MRTFB: variants seen among roughly 807,000 people sequenced by gnomAD.
MRTFB encodes the protein myocardin related transcription factor B, also known as myocardin-related transcription factor B.
MRTFB carries 29 observed loss-of-function variants against 104.2 expected under a neutral mutation model. The observed-to-expected ratio is 0.28, with a 90% confidence interval of 0.21 to 0.38. The LOEUF is 0.38. Among genes scored for constraint, MRTFB ranks in the 10% least tolerant of loss-of-function variants. The pLI is 1.00. For missense variants in MRTFB, 1,270 were observed against 1,341.6 expected (o/e 0.95, Z 0.83); for synonymous variants, 535 against 519.5 (o/e 1.03, Z -0.41).
At chr16:14,098,632 C>T (rs556216660) in intron 2 of MRTFB, among the ~76,000 whole-genome samples, 1 of 152,272 alleles carries the variant, frequency 6.6e-6, no homozygotes, top group Admixed American at 6.5e-5. Context: ...CTCCACCTAA[C>T]CTGAGGTCAG....
At chr16:14,198,315 C>T (rs575793864) in intron 3 of MRTFB, among the ~76,000 whole-genome samples, 2 of 152,264 alleles carry the variant, frequency 1.3e-5, no homozygotes, top group Admixed American at 1.3e-4. Context: ...TGTTTGAGTA[C>T]TTGTTTCCAA....
At chr16:14,147,453 AT>A (rs2038374579) in intron 3 of MRTFB, among the ~76,000 whole-genome samples, 1 of 152,166 alleles carries the variant, frequency 6.6e-6, no homozygotes, top group Non-Finnish European at 1.5e-5. Context: ...GTATGTTTTG[AT>A]TCACAGTGTA....
intron 3 of MRTFB, among the ~76,000 whole-genome samples, chr16:14,198,167 T>C (rs1440101050): frequency 6.6e-6 from 1 of 152,250 alleles, no homozygotes; most frequent in African/African-American, 2.4e-5. Flanking sequence ...ATTTAATTTA[T>C]TTTTATGACT....
In MRTFB at chr16:14,083,170, A is replaced by G. The variant is rs547201854; in HGVS notation, c.-64+3816A>G. Among the ~76,000 whole-genome samples the G allele has an allele frequency of 8.5e-5, 13 of 152,174 alleles. No individual in the cohort carries two copies. In the South Asian group the frequency reaches 2.3e-3, roughly 27 times the overall value. On this transcript the variant is annotated intron_variant, in intron 2 of 16. Transcript: ENST00000571589. ...TTTTCAGATAGTTCGTTGTTAGTATATAGAAGTATTACTGATTTTTCTATT... is the reference window on the plus strand; with the variant it reads ...TTTTCAGATAGTTCGTTGTTAGTATGTAGAAGTATTACTGATTTTTCTATT...
At chr16:14,126,184 CA>C (rs1245544357) in intron 2 of MRTFB, among the ~76,000 whole-genome samples, 2 of 151,946 alleles carry the variant, frequency 1.3e-5, no homozygotes, top group African/African-American at 4.8e-5. Flanking sequence ...CTCTAAAAGC[CA>C]GAGGGTTTTT....
chr16:14,070,318 G>A (rs1028447488), upstream of MRTFB, among the ~76,000 whole-genome samples: 4 of 152,196 alleles, frequency 2.6e-5, no homozygotes, highest in Admixed American at 2.6e-4. Flanking sequence ...AGATTGGTAT[G>A]ACCTTGATAT....
At chr16:14,210,359 C>A (rs765074902) in intron 4 of MRTFB, 51 bp downstream of exon 4, 3 of 1,431,978 alleles carry the variant, frequency 2.1e-6, no homozygotes, top group South Asian at 1.2e-5. Context: ...ACATGACGGG[C>A]GTGTCCAAGA....
the MRTFB span, among the ~76,000 whole-genome samples, chr16:14,064,371 C>A: frequency 6.6e-6 from 1 of 151,984 alleles, no homozygotes; most frequent in Admixed American, 6.6e-5. Context: ...GGAATTAGAT[C>A]TTTGTAAGAT....
At chr16:14,157,354 G>A (rs1381871428) in intron 3 of MRTFB, among the ~76,000 whole-genome samples, 3 of 152,162 alleles carry the variant, frequency 2.0e-5, no homozygotes, top group Non-Finnish European at 2.9e-5. Context: ...ATATCACTGA[G>A]GTTATCTGAT....
In MRTFB at chr16:14,107,253, C is replaced by T. The variant is rs144132756; in HGVS notation, c.-64+27899C>T. ...TCTGTCTCAAACAAAAAAACAAAAA[C>T]GGAGGAAAAAGTCTTTTCTGTGTGG... On this transcript the variant is annotated intron_variant, in intron 2 of 16. Transcript: ENST00000571589. 3.9e-5 allele frequency among the ~76,000 whole-genome samples: 6 copies of T among 152,154 alleles called. No individual in the cohort carries two copies. In the East Asian group the frequency reaches 5.8e-4, roughly 15 times the overall value.
At chr16:14,037,689 T>C in the MRTFB span, among the ~76,000 whole-genome samples, 4 of 152,136 alleles carry the variant, frequency 2.6e-5, no homozygotes, top group East Asian at 7.7e-4. Context: ...AAAGAAAAGG[T>C]CTAACTGGGG....
chr16:14,235,805 C>T lies in MRTFB; in HGVS notation c.831+1522C>T, dbSNP rs1469287438. On this transcript the variant is annotated intron_variant, in intron 9 of 16. Transcript: ENST00000571589. ...CTGGGACAATTATTTTATCACTCTACAACGATTATACTCGAACCGCATTTT... is the reference window on the plus strand; with the variant it reads ...CTGGGACAATTATTTTATCACTCTATAACGATTATACTCGAACCGCATTTT... 4.6e-5 allele frequency among the ~76,000 whole-genome samples: 7 copies of T among 152,196 alleles called. No individual in the cohort carries two copies. The East Asian group carries it at 1.2e-3, about 25-fold the overall frequency.
At chr16:14,054,471 C>T in the MRTFB span, among the ~76,000 whole-genome samples, 1 of 152,156 alleles carries the variant, frequency 6.6e-6, no homozygotes, top group African/African-American at 2.4e-5. Context: ...CCGTCCTCAG[C>T]CTTCCAAAGT....
intron 8 of MRTFB, among the ~76,000 whole-genome samples, chr16:14,230,682 G>A (rs1000038937): frequency 6.6e-6 from 1 of 152,292 alleles, no homozygotes; most frequent in East Asian, 1.9e-4. Context: ...TACACTGTTG[G>A]TGGGACTGTA....
At chr16:14,178,269 G>A (rs748833156) in intron 3 of MRTFB, among the ~76,000 whole-genome samples, 11 of 152,094 alleles carry the variant, frequency 7.2e-5, no homozygotes, top group African/African-American at 2.7e-4. Flanking sequence ...CTCAATATTG[G>A]TAGCGAATCT....
intron 1 of MRTFB, among the ~76,000 whole-genome samples, chr16:14,078,594 A>G (rs114103455): frequency 0.017 from 2,342 of 140,724 alleles, 64 homozygotes; most frequent in African/African-American, 0.057. Context: ...CTCCTGGCAA[A>G]TTTTTTTTTT....
At chr16:14,052,760 G>C in the MRTFB span, among the ~76,000 whole-genome samples, 4 of 147,750 alleles carry the variant, frequency 2.7e-5, no homozygotes, top group East Asian at 7.9e-4. Flanking sequence ...AAAAAAGAAA[G>C]AAAGAAATAT....
the MRTFB span, among the ~76,000 whole-genome samples, chr16:14,017,063 T>A: frequency 6.7e-6 from 1 of 149,460 alleles, no homozygotes; most frequent in Non-Finnish European, 1.5e-5. Context: ...CTTCTTTTTT[T>A]TTTTTTTTTT....
At chr16:14,121,809 A>T (rs1453359629) in intron 2 of MRTFB, among the ~76,000 whole-genome samples, 1 of 152,250 alleles carries the variant, frequency 6.6e-6, no homozygotes, top group East Asian at 1.9e-4. Context: ...TTGTACCATC[A>T]GTGTAGTAAC....
Sources: gnomAD v4.1 joint callset for allele counts (sites outside exome capture counted in the v4.1 genomes callset) on GRCh38, gnomAD v4.1.1 for gene constraint, MANE v1.5 for transcripts, NCBI Gene and HGNC (gene_info 2026-07-23, HGNC 2026-07-21) for gene names.